The following CEP83 variants were observed in gnomAD, a reference collection of about 807,000 sequenced individuals.
CEP83 encodes centrosomal protein 83, also known as centrosomal protein of 83 kDa.
In CEP83, 70 loss-of-function variants were observed where a neutral mutation model predicts 101.9. The observed-to-expected ratio is 0.69, with a 90% confidence interval of 0.57 to 0.84. The LOEUF (loss-of-function observed/expected upper bound fraction) is 0.84. Ranked by LOEUF, CEP83 falls within the 40% of genes least tolerant of loss-of-function variation. The pLI, the probability that CEP83 is intolerant of heterozygous loss-of-function variation, is 0.00. For missense variants in CEP83, 715 were observed against 787.2 expected, an observed-to-expected ratio of 0.91 and a Z score of 1.10; for synonymous variants, 264 against 267.9, an observed-to-expected ratio of 0.99 and a Z score of 0.14.
At chr12:94,273,724 A>C in the CEP83 span, among the ~76,000 whole-genome samples, 1 of 152,206 alleles carries the variant, frequency 6.6e-6, no homozygotes, top group Admixed American at 6.5e-5. Flanking sequence ...TGCCCTGCAC[A>C]CAATAGGTGC....
At chr12:94,366,891 G>A (rs915669487) in intron 11 of CEP83, among the ~76,000 whole-genome samples, 4 of 152,070 alleles carry the variant, frequency 2.6e-5, no homozygotes, top group Admixed American at 6.6e-5. Context: ...AAGGACATGG[G>A]ATTCAACTTG....
At position 94,341,157 on chromosome 12, in the gene CEP83, T is replaced by C. The variant is rs143274619; in HGVS notation, c.1344-5493A>G. Among the ~76,000 whole-genome samples, 20 of 152,306 alleles carry C rather than the reference T, an allele frequency of 1.3e-4. No individual in the cohort carries two copies. In the East Asian group the frequency reaches 3.9e-3, roughly 29 times the overall value. The stretch of plus-strand genomic sequence containing the variant: ...AGCAGCCTTTTGAAATACAGTACTT[T>C]TATAAAAATAATTTTTATTACTCTT... On this transcript the variant is annotated intron_variant, in intron 11 of 16. Coordinates refer to ENST00000397809, the MANE Select transcript of CEP83 (RefSeq NM_016122.3).
At chr12:94,343,470 C>CTTTTTT (rs1161481202) in intron 11 of CEP83, among the ~76,000 whole-genome samples, 9 of 84,168 alleles carry the variant, frequency 1.1e-4, no homozygotes, top group African/African-American at 1.6e-4. Context: ...TAGAAATTAA[C>CTTTTTT]TTTTTTTTTT....
chr12:94,351,313 A>T (rs2060187303), intron 11 of CEP83, among the ~76,000 whole-genome samples: 2 of 152,188 alleles, frequency 1.3e-5, no homozygotes, highest in Admixed American at 6.5e-5. Context: ...CTTGGAGTCC[A>T]CATGGTTACA....
chr12:94,420,012 T>C (rs764786134), intron 2 of CEP83, among the ~76,000 whole-genome samples: 4 of 152,240 alleles, frequency 2.6e-5, no homozygotes, highest in Non-Finnish European at 5.9e-5. Flanking sequence ...ACTGGCCATT[T>C]AGATATCTTC....
chr12:94,449,151 G>A (rs11107541), intron 1 of CEP83, among the ~76,000 whole-genome samples: 5 of 151,822 alleles, frequency 3.3e-5, no homozygotes, highest in East Asian at 1.9e-4. Flanking sequence ...TACAAACTTC[G>A]TATCAACAAA....
In CEP83 at chr12:94,455,891, C is replaced by T. The variant is rs370606324; in HGVS notation, c.-155+3666G>A. 6.0e-5 allele frequency among the ~76,000 whole-genome samples: 9 copies of T among 150,120 alleles called. No individual in the cohort carries two copies. The South Asian group carries it at 6.4e-4, about 11-fold the overall frequency. ...TGAAACCCTGTCTCTATTCAAAATA[C>T]AAAAAAAAAGCCAGGTGTGGTGGCA... is the stretch of plus-strand genomic sequence containing the variant. On this transcript the variant is annotated intron_variant, in intron 1 of 16. Coordinates refer to ENST00000397809, the MANE Select transcript of CEP83 (RefSeq NM_016122.3).
the CEP83 span, among the ~76,000 whole-genome samples, chr12:94,269,661 T>C: frequency 2.9e-4 from 44 of 152,380 alleles, no homozygotes; most frequent in Non-Finnish European, 4.9e-4. Flanking sequence ...TAAATCCTGA[T>C]GTTTGCACTT....
chr12:94,376,490 T>C (rs987963823), intron 7 of CEP83, among the ~76,000 whole-genome samples: 2 of 151,854 alleles, frequency 1.3e-5, no homozygotes, highest in African/African-American at 2.4e-5. Flanking sequence ...GATTTCAAAA[T>C]CCTCAGCTCA....
intron 6 of CEP83, among the ~76,000 whole-genome samples, chr12:94,394,286 A>T (rs2062747250): frequency 6.6e-6 from 1 of 152,174 alleles, no homozygotes; most frequent in Non-Finnish European, 1.5e-5. Flanking sequence ...GATATAGACC[A>T]ATGGAACAGA....
chr12:94,417,858 G>A (rs2064403382), intron 2 of CEP83, among the ~76,000 whole-genome samples: 2 of 151,968 alleles, frequency 1.3e-5, no homozygotes, highest in South Asian at 2.1e-4. Flanking sequence ...CAAGAATGAA[G>A]ATTTCAAACT....
chr12:94,350,144 C>T (rs907832193), intron 11 of CEP83, among the ~76,000 whole-genome samples: 1 of 152,080 alleles, frequency 6.6e-6, no homozygotes, highest in African/African-American at 2.4e-5. Flanking sequence ...AAAAATCTAT[C>T]CTAAAATTCG....
At chr12:94,312,007 C>T (rs1262156818) in intron 15 of CEP83, among the ~76,000 whole-genome samples, 4 of 151,686 alleles carry the variant, frequency 2.6e-5, no homozygotes, top group Non-Finnish European at 5.9e-5. Context: ...CCTAGGGGTT[C>T]GAGGCTACAG....
intron 6 of CEP83, among the ~76,000 whole-genome samples, chr12:94,386,794 C>T (rs752488657): frequency 2.2e-4 from 33 of 152,112 alleles, no homozygotes; most frequent in Admixed American, 3.9e-4. Flanking sequence ...CAACCTTGGG[C>T]CAGTCTCTCA....
At chr12:94,334,070 C>T (rs970168563) in intron 12 of CEP83, among the ~76,000 whole-genome samples, 3 of 152,110 alleles carry the variant, frequency 2.0e-5, no homozygotes, top group African/African-American at 7.2e-5. Context: ...AAAATCCATC[C>T]TCCTCTTCCC....
chr12:94,370,336 G>A (rs2061241064), intron 8 of CEP83, among the ~76,000 whole-genome samples: 2 of 152,262 alleles, frequency 1.3e-5, no homozygotes, highest in Middle Eastern at 6.8e-3. Context: ...CTCAATGATT[G>A]GAAAATCTGC....
chr12:94,303,434 T>C (rs937797127), downstream of CEP83, among the ~76,000 whole-genome samples: 1 of 152,220 alleles, frequency 6.6e-6, no homozygotes, highest in Non-Finnish European at 1.5e-5. Flanking sequence ...TAATGAACTA[T>C]GATTGAAATA....
intron 12 of CEP83, among the ~76,000 whole-genome samples, chr12:94,335,362 A>AATAC (rs779991975): frequency 1.3e-5 from 2 of 151,978 alleles, no homozygotes; most frequent in Non-Finnish European, 2.9e-5. Flanking sequence ...TTAATAAATA[A>AATAC]ATATATATAT....
the CEP83 span, chr12:94,282,252 T>C: frequency 7.8e-7 from 1 of 1,285,046 alleles, no homozygotes; most frequent in Non-Finnish European, 1.1e-6. Context: ...AGTAAAGTGG[T>C]GGCATTTTAA....
Sources: gnomAD v4.1 joint callset for allele counts (sites outside exome capture counted in the v4.1 genomes callset) on GRCh38, gnomAD v4.1.1 for gene constraint, MANE v1.5 for transcripts, NCBI Gene and HGNC (gene_info 2026-07-23, HGNC 2026-07-21) for gene names.